The following RPSA2 variants were observed in gnomAD, a reference collection of about 807,000 sequenced individuals.
RPSA2 encodes the protein ribosomal protein SA 2, also known as small ribosomal subunit protein uS2B.
At chr19:23,853,281 A>C in the RPSA2 span, among the ~76,000 whole-genome samples, 150,899 of 152,362 alleles carry the variant, frequency 0.99, 74,742 homozygotes, top group Middle Eastern at 1. Flanking sequence ...GGCAGGCATG[A>C]CAGGTTGGAT....
chr19:23,845,456 C>G, the RPSA2 span, among the ~76,000 whole-genome samples: 1 of 151,838 alleles, frequency 6.6e-6, no homozygotes, highest in Non-Finnish European at 1.5e-5. Flanking sequence ...TATTGTGTTT[C>G]TATTTCCATC....
At chr19:23,760,686 A>G in the RPSA2 span, among the ~76,000 whole-genome samples, 59,402 of 146,554 alleles carry the variant, frequency 0.41, 12,475 homozygotes, top group South Asian at 0.57. Flanking sequence ...TTTTTTTAAG[A>G]CAGAGTCTTG....
At chr19:23,825,217 A>T in the RPSA2 span, among the ~76,000 whole-genome samples, 1 of 152,088 alleles carries the variant, frequency 6.6e-6, no homozygotes, top group African/African-American at 2.4e-5. Flanking sequence ...TGACCTCATG[A>T]TCTGCCTGCC....
the RPSA2 span, among the ~76,000 whole-genome samples, chr19:23,842,041 T>C: frequency 6.6e-6 from 1 of 152,202 alleles, no homozygotes; most frequent in African/African-American, 2.4e-5. Context: ...TACTAGATGT[T>C]TTACAAAGTA....
At chr19:23,805,296 C>G in the RPSA2 span, among the ~76,000 whole-genome samples, 1 of 152,078 alleles carries the variant, frequency 6.6e-6, no homozygotes, top group Non-Finnish European at 1.5e-5. Flanking sequence ...TCCTGAGTAG[C>G]TGGGATTACA....
the RPSA2 span, chr19:23,828,029 G>C: frequency 1.5e-6 from 1 of 666,682 alleles, no homozygotes; most frequent in Non-Finnish European, 2.6e-6. Flanking sequence ...ATGGGTAGGA[G>C]CAACCACTGA....
At chr19:23,832,606 T>G in the RPSA2 span, 1 of 1,348,034 alleles carries the variant, frequency 7.4e-7, no homozygotes, top group Non-Finnish European at 9.9e-7. Flanking sequence ...TTACTACACA[T>G]AAGGTAATTC....
At chr19:23,822,789 G>T in the RPSA2 span, among the ~76,000 whole-genome samples, 1 of 152,118 alleles carries the variant, frequency 6.6e-6, no homozygotes, top group African/African-American at 2.4e-5. Context: ...GGTAAAGGTG[G>T]GTAGATTGGT....
the RPSA2 span, among the ~76,000 whole-genome samples, chr19:23,795,597 A>C: frequency 6.6e-6 from 1 of 152,098 alleles, no homozygotes; most frequent in Non-Finnish European, 1.5e-5. Context: ...TTTTCCAGAC[A>C]TAGAGTTATG....
At chr19:23,765,934 T>C in the RPSA2 span, among the ~76,000 whole-genome samples, 1 of 150,772 alleles carries the variant, frequency 6.6e-6, no homozygotes, top group Non-Finnish European at 1.5e-5. Flanking sequence ...CATGGATAGG[T>C]GTGTAAAAAA....
the RPSA2 span, among the ~76,000 whole-genome samples, chr19:23,804,844 G>C: frequency 4.6e-5 from 7 of 152,130 alleles, no homozygotes; most frequent in Non-Finnish European, 8.8e-5. Flanking sequence ...GAACTCTCTT[G>C]TGCCCTTTTC....
the RPSA2 span, among the ~76,000 whole-genome samples, chr19:23,815,006 T>A: frequency 6.6e-6 from 1 of 152,168 alleles, no homozygotes; most frequent in South Asian, 2.1e-4. Flanking sequence ...GTACCATGTC[T>A]GAATAATTCT....
chr19:23,789,348 C>T, the RPSA2 span, among the ~76,000 whole-genome samples: 1 of 152,246 alleles, frequency 6.6e-6, no homozygotes, highest in African/African-American at 2.4e-5. Flanking sequence ...TAATGCATCC[C>T]TGACCAGGTA....
the RPSA2 span, among the ~76,000 whole-genome samples, chr19:23,862,183 G>A: frequency 1.3e-5 from 2 of 152,094 alleles, no homozygotes; most frequent in Non-Finnish European, 2.9e-5. Context: ...CTGTTTGTCT[G>A]TTATTGGTGT....
At chr19:23,840,677 G>A in the RPSA2 span, among the ~76,000 whole-genome samples, 31 of 152,186 alleles carry the variant, frequency 2.0e-4, no homozygotes, top group East Asian at 3.9e-4. Context: ...CAAAACATGC[G>A]CTGGGCACGG....
the RPSA2 span, among the ~76,000 whole-genome samples, chr19:23,787,595 T>A: frequency 6.6e-6 from 1 of 151,704 alleles, no homozygotes. Context: ...GGTGATAGAG[T>A]GAGATTCCAT....
chr19:23,857,473 T>A, the RPSA2 span, among the ~76,000 whole-genome samples: 7 of 149,804 alleles, frequency 4.7e-5, no homozygotes, highest in Non-Finnish European at 8.9e-5. Context: ...TATTTTGAAG[T>A]CTTTTTAAAG....
the RPSA2 span, among the ~76,000 whole-genome samples, chr19:23,815,992 G>GTTT: frequency 0.033 from 4,789 of 146,708 alleles, 178 homozygotes; most frequent in South Asian, 0.13. Flanking sequence ...ATAAAATGTA[G>GTTT]TTGTTTTTTT....
chr19:23,766,972 A>T, the RPSA2 span, among the ~76,000 whole-genome samples: 1 of 151,654 alleles, frequency 6.6e-6, no homozygotes, highest in Non-Finnish European at 1.5e-5. Context: ...TGTTTTTGGG[A>T]GACAGAGTCT....
Sources: gnomAD v4.1 joint callset for allele counts (sites outside exome capture counted in the v4.1 genomes callset) on GRCh38, gnomAD v4.1.1 for gene constraint, MANE v1.5 for transcripts, NCBI Gene and HGNC (gene_info 2026-07-23, HGNC 2026-07-21) for gene names.